The following HELZ variants were observed in gnomAD, a reference collection of about 807,000 sequenced individuals.
The protein encoded by HELZ is helicase with zinc finger, also known as ATP-dependent RNA helicase with zinc finger domain.
In HELZ, 23 loss-of-function variants were observed where a neutral mutation model predicts 218.2. That is an observed-to-expected ratio of 0.11 (90% CI 0.08 to 0.15). The LOEUF is 0.15. Ranked by LOEUF, HELZ falls within the 10% of genes least tolerant of loss-of-function variation. The pLI is 1.00. For synonymous variants in HELZ, 814 were observed against 829.4 expected (o/e 0.98, Z 0.32); for missense variants, 1,813 against 2,353.7 (o/e 0.77, Z 4.75).
chr17:67,234,744 G>A (rs191786632), intron 3 of HELZ, among the ~76,000 whole-genome samples: 1 of 151,858 alleles, frequency 6.6e-6, no homozygotes. Flanking sequence ...CCTATTGGCA[G>A]TCTTACCTTC....
intron 32 of HELZ, among the ~76,000 whole-genome samples, 198 bp downstream of exon 32, chr17:67,086,631 A>AATTATATATATAT (rs1555594210): frequency 1.1e-5 from 1 of 93,318 alleles, no homozygotes; most frequent in African/African-American, 4.8e-5. Context: ...TATAAATATA[A>AATTATATATATAT]ATATATATAT....
chr17:67,079,665 C>G lies in HELZ; in HGVS notation c.5495-1079G>C, dbSNP rs190916227. ...CAGGAAGATGCTGCCCATGTGTACT[C>G]AGCCAGCCATATTTGCCCATTGCCT... On this transcript the variant is annotated intron_variant, in intron 32 of 32. Coordinates refer to ENST00000358691, the MANE Select transcript of HELZ (RefSeq NM_014877.4). Among the ~76,000 whole-genome samples the G allele has an allele frequency of 3.4e-3, 521 of 152,328 alleles. 5 individuals are homozygous for G. Among genetic ancestry groups the G allele is most frequent in the Middle Eastern group, 0.017 (5 of 294 alleles).
intron 3 of HELZ, chr17:67,224,661 A>G: frequency 1.5e-6 from 1 of 670,660 alleles, no homozygotes; most frequent in Non-Finnish European, 2.7e-6. Flanking sequence ...GCTTAGTGTG[A>G]TATATGATTC....
At chr17:67,134,102 G>A (rs796348519) in intron 23 of HELZ, among the ~76,000 whole-genome samples, 2 of 152,114 alleles carry the variant, frequency 1.3e-5, no homozygotes, top group Non-Finnish European at 2.9e-5. Context: ...AGGTATTCTC[G>A]ACTAGGCGCG....
chr17:67,109,066 T>G, intron 29 of HELZ, 50 bp downstream of exon 29: 1 of 1,388,978 alleles, frequency 7.2e-7, no homozygotes, highest in Non-Finnish European at 9.9e-7. Flanking sequence ...ACAGTCCAAG[T>G]CATGTTAAGT....
chr17:67,084,650 G>A (rs1484544332), intron 32 of HELZ, among the ~76,000 whole-genome samples: 8 of 127,026 alleles, frequency 6.3e-5, no homozygotes, highest in Non-Finnish European at 9.9e-5. Flanking sequence ...GCGACAGAGC[G>A]AGACTCCGTC....
chr17:67,169,587 T>C (rs2039250773), intron 13 of HELZ, among the ~76,000 whole-genome samples: 1 of 152,144 alleles, frequency 6.6e-6, no homozygotes, highest in Non-Finnish European at 1.5e-5. Context: ...CCAATGGCAA[T>C]TACATTTCAA....
chr17:67,138,224 T>TA (rs2038212111), intron 21 of HELZ, 110 bp from the exon 22 acceptor site: 14 of 764,238 alleles, frequency 1.8e-5, no homozygotes, highest in East Asian at 6.2e-5. Flanking sequence ...CAGATGTCAT[T>TA]TAAAAAAAAA....
intron 32 of HELZ, among the ~76,000 whole-genome samples, chr17:67,083,418 G>C (rs938363987): frequency 2.0e-5 from 3 of 152,078 alleles, no homozygotes; most frequent in African/African-American, 7.2e-5. Context: ...GAGGCGGACA[G>C]ATCATGAGGT....
At chr17:67,174,263 T>C (rs537949262) in intron 13 of HELZ, among the ~76,000 whole-genome samples, 89 of 151,674 alleles carry the variant, frequency 5.9e-4, no homozygotes, top group African/African-American at 2.1e-3. Flanking sequence ...TTTTATCTAA[T>C]CTTGAGAGCC....
chr17:67,180,927 C>T (rs1056546722), intron 12 of HELZ, among the ~76,000 whole-genome samples: 1 of 148,526 alleles, frequency 6.7e-6, no homozygotes, highest in Non-Finnish European at 1.5e-5. Context: ...ATGGCATGCA[C>T]GTGTAATCCC....
intron 22 of HELZ, among the ~76,000 whole-genome samples, chr17:67,137,725 T>C (rs1028727350): frequency 5.3e-5 from 8 of 152,222 alleles, no homozygotes; most frequent in Admixed American, 6.5e-5. Flanking sequence ...AAAGGTATAT[T>C]TGTTAATACT....
intron 4 of HELZ, among the ~76,000 whole-genome samples, chr17:67,216,340 G>A (rs1016563873): frequency 1.1e-4 from 16 of 152,102 alleles, no homozygotes; most frequent in Admixed American, 1.0e-3. Context: ...CCTTTCTAAA[G>A]TCAACCTACG....
In HELZ at chr17:67,076,044, T is replaced by C. The variant is rs1259731711; in HGVS notation, c.*2208A>G. 3 of 152,548 alleles carry C rather than the reference T, an allele frequency of 2.0e-5. 1 individual carries two copies. The highest frequency in any genetic ancestry group is 3.9e-4 in the East Asian group (2 of 5,190). The allele number at this position is 152,548 out of a possible 1,614,324, so 9.4% of individuals were successfully genotyped here. A position where few individuals can be genotyped will look rare whatever the true frequency, so the allele number is the denominator to read the frequency against. ...CTGATATTTTTTAAAGATTCAAGTA[T>C]AGAAAACAGAAAATTAGGCAATAAC... On this transcript the variant is annotated 3_prime_UTR_variant, in exon 33 of 33. Coordinates refer to ENST00000358691, the MANE Select transcript of HELZ (RefSeq NM_014877.4).
intron 5 of HELZ, among the ~76,000 whole-genome samples, chr17:67,207,274 G>A: frequency 7.3e-6 from 1 of 136,544 alleles, no homozygotes; most frequent in East Asian, 2.2e-4. Context: ...AGGCTGGAGT[G>A]CAGTGGCATG....
chr17:67,082,118 A>C (rs919284622), intron 32 of HELZ, among the ~76,000 whole-genome samples: 1 of 152,134 alleles, frequency 6.6e-6, no homozygotes, highest in African/African-American at 2.4e-5. Context: ...TCCCCTCATC[A>C]ACCCAGCTGG....
chr17:67,151,264 T>C, intron 17 of HELZ, 40 bp from the exon 18 acceptor site: 1 of 1,496,786 alleles, frequency 6.7e-7, no homozygotes, highest in East Asian at 2.3e-5. Flanking sequence ...CATTTACTAA[T>C]TTCTTAACAG....
chr17:67,149,910 G>A lies in HELZ; in HGVS notation c.2432C>T (p.Ala811Val). The A allele has an allele frequency of 1.2e-6, 2 of 1,611,240 alleles. No homozygotes were observed. The highest frequency in any genetic ancestry group is 1.7e-6 in the Non-Finnish European group (2 of 1,178,464). The change falls in exon 19 of 33, where the codon GCA (alanine) becomes GTA (valine). Residue 811 changes from alanine (A) to valine (V), a missense_variant. Physicochemically the swap from Ala to Val is moderately conservative, Grantham distance 64. Transcript: ENST00000358691. ...ECETIMPLAL[A>V]TQNTRIVLAG... ...CAAGACAATCCGAGTGTTTTGAGTT[G>A]CTAATGCTAGAGGCATAATGGTTTC...
chr17:67,106,743 G>A (rs1469208393), intron 31 of HELZ, among the ~76,000 whole-genome samples: 1 of 152,242 alleles, frequency 6.6e-6, no homozygotes, highest in Non-Finnish European at 1.5e-5. Context: ...GCACCAGGCT[G>A]AGTGGCAGGA....
Sources: allele counts gnomAD v4.1 joint callset (sites outside exome capture counted in the v4.1 genomes callset), GRCh38; gene constraint gnomAD v4.1.1; transcripts MANE v1.5; gene names NCBI Gene and HGNC (gene_info 2026-07-23, HGNC 2026-07-21).